Variants in MAP3K5 observed in about 807,000 individuals in gnomAD.
The protein encoded by MAP3K5 is mitogen-activated protein kinase kinase kinase 5.
In MAP3K5, 56 loss-of-function variants were observed where a neutral mutation model predicts 158.7. That is an observed-to-expected ratio of 0.35 (90% confidence interval 0.28 to 0.44). MAP3K5 has a LOEUF of 0.44. Among genes scored for constraint, MAP3K5 ranks in the 20% least tolerant of loss-of-function variants. The pLI is 1.00. For missense variants in MAP3K5, 1,294 were observed against 1,674.8 expected, an observed-to-expected ratio of 0.77 and a Z score of 3.97; for synonymous variants, 579 against 601.7, an observed-to-expected ratio of 0.96 and a Z score of 0.55.
chr6:136,702,830 G>A (rs969952801), intron 3 of MAP3K5, among the ~76,000 whole-genome samples: 1 of 152,242 alleles, frequency 6.6e-6, no homozygotes, highest in Admixed American at 6.5e-5. Flanking sequence ...CAAGTAACTG[G>A]GATTACAGGC....
intron 8 of MAP3K5, among the ~76,000 whole-genome samples, chr6:136,660,054 G>A (rs531369966): frequency 6.6e-6 from 1 of 152,190 alleles, no homozygotes; most frequent in Non-Finnish European, 1.5e-5. Context: ...AAATTAAAAG[G>A]TCATAATACA....
rs1173246266 is a variant in MAP3K5 at position 136,613,911 on chromosome 6, T to C, written c.2278+248A>G. Among the ~76,000 whole-genome samples the C allele has an allele frequency of 6.6e-6, 1 of 152,236 alleles. No homozygotes were observed. Among genetic ancestry groups the C allele is most frequent in the East Asian group, 1.9e-4 (1 of 5,204 alleles). ...ACTTTGGAACACTGGCCCATTCTTT[T>C]GGAGTCTGTGTTTCCTGGGTGGCTA... On this transcript the variant is annotated intron_variant, in intron 16 of 29. Transcript: ENST00000359015. The surrounding 1 kb of genome is among the most constrained non-coding windows in gnomAD (Gnocchi z 4.0).
chr6:136,744,397 A>ATGAGAAC (rs1425419742), intron 1 of MAP3K5, among the ~76,000 whole-genome samples: 2 of 151,972 alleles, frequency 1.3e-5, no homozygotes, highest in Non-Finnish European at 2.9e-5. Context: ...ATATGTATAT[A>ATGAGAAC]TGAGAACCCT....
intron 7 of MAP3K5, among the ~76,000 whole-genome samples, chr6:136,693,446 C>T (rs1002024929): frequency 2.0e-5 from 3 of 152,256 alleles, no homozygotes; most frequent in Non-Finnish European, 2.9e-5. Context: ...CACATGAAAA[C>T]CCCTGCTGGG....
intron 1 of MAP3K5, among the ~76,000 whole-genome samples, chr6:136,781,317 G>A (rs1018543226): frequency 7.9e-5 from 12 of 152,122 alleles, no homozygotes; most frequent in East Asian, 7.7e-4. Flanking sequence ...GACACTGATC[G>A]AAAAAGGTAA....
At position 136,592,360 on chromosome 6, in the gene MAP3K5, C is replaced by T; in HGVS notation, c.3057-19G>A. On this transcript the variant is annotated intron_variant, in intron 22 of 29. Transcript: ENST00000359015. The stretch of plus-strand genomic sequence containing the variant: ...TGGAATGCTGAGAAAATTTATGCAG[C>T]ATAAATCACAGTTCCCTTTATAAAA... The T allele has an allele frequency of 6.3e-7, 1 of 1,592,428 alleles. No homozygotes were observed. The highest frequency in any genetic ancestry group is 1.7e-4 in the Middle Eastern group (1 of 5,954).
chr6:136,746,044 A>G lies in MAP3K5; in HGVS notation c.449-25455T>C, dbSNP rs76216088. Among the ~76,000 whole-genome samples the G allele has an allele frequency of 6.8e-3, 1,040 of 152,316 alleles. 10 individuals are homozygous for G. Among genetic ancestry groups the G allele is most frequent in the African/African-American group, 0.023 (954 of 41,568 alleles). On this transcript the variant is annotated intron_variant, in intron 1 of 29. Coordinates refer to ENST00000359015, the MANE Select transcript of MAP3K5 (RefSeq NM_005923.4). Reference sequence around the variant, plus strand: ...GGAAGACTAGTTAGGAGACAGCTGCATGGGTCCAGGTGCGAAATGCTGATG... The same window carrying G: ...GGAAGACTAGTTAGGAGACAGCTGCGTGGGTCCAGGTGCGAAATGCTGATG...
rs543873075 is a variant in MAP3K5 at position 136,701,202 on chromosome 6, G to A, written c.613-2520C>T. Among the ~76,000 whole-genome samples the A allele has an allele frequency of 1.2e-4, 18 of 152,288 alleles. No individual in the cohort carries two copies. In the South Asian group the frequency reaches 3.5e-3, roughly 30 times the overall value. ...AGGGGGTTATGCACCCTCCTGAGTGGCCTTTACAGCAGACACACCTGCTCT... is the reference window on the plus strand; with the variant it reads ...AGGGGGTTATGCACCCTCCTGAGTGACCTTTACAGCAGACACACCTGCTCT... On this transcript the variant is annotated intron_variant, in intron 3 of 29. Coordinates refer to ENST00000359015, the MANE Select transcript of MAP3K5 (RefSeq NM_005923.4).
intron 23 of MAP3K5, among the ~76,000 whole-genome samples, chr6:136,589,116 A>T (rs1228290236): frequency 6.6e-6 from 1 of 152,218 alleles, no homozygotes; most frequent in Non-Finnish European, 1.5e-5. Context: ...AGACAGGCTG[A>T]GATTGTTTAC....
At chr6:136,772,129 C>G (rs1283885213) in intron 1 of MAP3K5, among the ~76,000 whole-genome samples, 1 of 147,228 alleles carries the variant, frequency 6.8e-6, no homozygotes, top group Non-Finnish European at 1.5e-5. Context: ...GTTGGCCAGG[C>G]TGGTCTCGAA....
intron 8 of MAP3K5, 112 bp downstream of exon 8, chr6:136,669,171 G>T: frequency 1.3e-6 from 1 of 755,946 alleles, no homozygotes; most frequent in Non-Finnish European, 2.3e-6. Flanking sequence ...TTTCTCTTTG[G>T]GAAGTATGAA....
intron 18 of MAP3K5, among the ~76,000 whole-genome samples, chr6:136,608,743 G>A (rs1024811592): frequency 1.3e-5 from 2 of 152,154 alleles, no homozygotes; most frequent in East Asian, 3.8e-4. Flanking sequence ...TAATGATTAA[G>A]GCTGATGTAT....
Position 136,792,337 on chromosome 6 carries a change from CCGG to C in MAP3K5, c.-183_-181del. On this transcript the variant is annotated 5_prime_UTR_variant, in exon 1 of 30. Coordinates refer to ENST00000359015, the MANE Select transcript of MAP3K5 (RefSeq NM_005923.4). This position sits in a 1 kb window ranked among gnomAD's most constrained non-coding sequence, Gnocchi z 5.7. ...CTCTCCCCCGAGGGCACGCCGCTGC[CCGG>C]CGGCGGCTCGCTCCTCCTCGGCGCC... is the stretch of plus-strand genomic sequence containing the variant. 1 of 1,011,724 alleles carries C rather than the reference CCGG, an allele frequency of 9.9e-7. No individual in the cohort carries two copies. Among genetic ancestry groups the C allele is most frequent in the Admixed American group, 5.9e-5 (1 of 17,046 alleles). The allele number at this position is 1,011,724 out of a possible 1,614,324, so 62.7% of individuals were successfully genotyped here.
intron 2 of MAP3K5, among the ~76,000 whole-genome samples, chr6:136,716,693 T>A (rs77683964): frequency 6.6e-6 from 1 of 152,242 alleles, no homozygotes; most frequent in Non-Finnish European, 1.5e-5. Flanking sequence ...GATCATTTCA[T>A]AATGCATGAA....
chr6:136,558,295 C>T (rs767221618), intron 29 of MAP3K5, among the ~76,000 whole-genome samples: 32 of 151,620 alleles, frequency 2.1e-4, no homozygotes, highest in African/African-American at 6.5e-4. Context: ...AGGAGAACGG[C>T]GTGAACCTGG....
intron 1 of MAP3K5, among the ~76,000 whole-genome samples, chr6:136,781,589 G>A (rs535735430): frequency 4.6e-5 from 7 of 152,134 alleles, no homozygotes; most frequent in African/African-American, 1.2e-4. Flanking sequence ...TAATCTGGCC[G>A]CTCTCATAGC....
At chr6:136,775,815 G>A (rs1784382577) in intron 1 of MAP3K5, among the ~76,000 whole-genome samples, 1 of 152,216 alleles carries the variant, frequency 6.6e-6, no homozygotes, top group African/African-American at 2.4e-5. Flanking sequence ...CAACACGGTG[G>A]CAACAGCTTT....
chr6:136,688,325 G>A (rs1050520579), intron 7 of MAP3K5, among the ~76,000 whole-genome samples: 1 of 152,120 alleles, frequency 6.6e-6, no homozygotes, highest in South Asian at 2.1e-4. Context: ...TGTAGATGAC[G>A]GGTTGATGGG....
intron 2 of MAP3K5, among the ~76,000 whole-genome samples, chr6:136,708,910 C>T (rs565308504): frequency 1.3e-5 from 2 of 152,110 alleles, no homozygotes; most frequent in Admixed American, 1.3e-4. Context: ...CTTCTCTCTT[C>T]CCCTCTGAGT....
Sources: allele counts gnomAD v4.1 joint callset (sites outside exome capture counted in the v4.1 genomes callset), GRCh38; gene constraint gnomAD v4.1.1; non-coding constraint Gnocchi (gnomAD v3.1); transcripts MANE v1.5; gene names NCBI Gene and HGNC (gene_info 2026-07-23, HGNC 2026-07-21).